Variants in OPRM1 observed in about 807,000 individuals in gnomAD.
OPRM1 encodes mu-type opioid receptor.
OPRM1 carries 27 observed loss-of-function variants against 31.8 expected under a neutral mutation model. The ratio of observed to expected loss-of-function variants is 0.85; its 90% CI spans 0.63 to 1.17. OPRM1 has a LOEUF of 1.17. OPRM1 is among the 50% of genes most tolerant of loss of function. The pLI is 0.00. For synonymous variants in OPRM1, 196 were observed against 189.9 expected, an observed-to-expected ratio of 1.03 and a Z score of -0.26; for missense variants, 536 against 511.1, an observed-to-expected ratio of 1.05 and a Z score of -0.47.
At chr6:154,012,048 T>C (rs9478496) in intron 1 of OPRM1, among the ~76,000 whole-genome samples, 23,680 of 152,114 alleles carry the variant, frequency 0.16, 2,068 homozygotes, top group Admixed American at 0.24. Context: ...ATGATGAGAC[T>C]AAATCAATAA....
chr6:154,243,408 C>T lies in OPRM1; in HGVS notation c.1165-3285C>T, dbSNP rs372597505. 3.3e-5 allele frequency among the ~76,000 whole-genome samples: 5 copies of T among 152,152 alleles called. No individual in the cohort carries two copies. The East Asian group carries it at 7.7e-4, about 23-fold the overall frequency. Reference sequence around the variant, plus strand: ...ATGGCAGATGAGCCTCTGGACTTGACCTTTCTCAATGAATTCTAGGTAGTA... The same window carrying T: ...ATGGCAGATGAGCCTCTGGACTTGATCTTTCTCAATGAATTCTAGGTAGTA... On this transcript the variant is annotated intron_variant, in intron 3 of 3. Transcript: ENST00000337049.
intron 3 of OPRM1, among the ~76,000 whole-genome samples, chr6:154,172,950 G>T (rs1799995314): frequency 6.6e-6 from 1 of 152,182 alleles, no homozygotes; most frequent in Admixed American, 6.5e-5. Context: ...CCCCTCTGGG[G>T]CAAAGCTTCC....
At chr6:154,059,095 C>T (rs185159759) in intron 1 of OPRM1, among the ~76,000 whole-genome samples, 199 of 152,286 alleles carry the variant, frequency 1.3e-3, no homozygotes, top group African/African-American at 4.6e-3. Flanking sequence ...TTATATCTTA[C>T]TTTCCAGAAT....
At chr6:154,227,118 C>G (rs1051715187) in intron 3 of OPRM1, among the ~76,000 whole-genome samples, 1 of 151,952 alleles carries the variant, frequency 6.6e-6, no homozygotes, top group Non-Finnish European at 1.5e-5. Flanking sequence ...GCAGGAGAAT[C>G]GCTTGAACCT....
At chr6:154,085,467 G>T (rs1790315158) in intron 1 of OPRM1, among the ~76,000 whole-genome samples, 2 of 152,152 alleles carry the variant, frequency 1.3e-5, no homozygotes, top group South Asian at 4.1e-4. Flanking sequence ...CAAAGTTAAA[G>T]AAATACCTAC....
downstream of OPRM1, among the ~76,000 whole-genome samples, chr6:154,135,500 GAT>G (rs962650675): frequency 4.0e-5 from 6 of 149,922 alleles, no homozygotes; most frequent in African/African-American, 1.3e-4. Context: ...TATAGATATA[GAT>G]ATAGATATAG....
At chr6:154,144,603 C>T (rs1391856534) in intron 3 of OPRM1, among the ~76,000 whole-genome samples, 5 of 151,812 alleles carry the variant, frequency 3.3e-5, no homozygotes, top group African/African-American at 1.2e-4. Context: ...AAAAAATTAG[C>T]TGGGTGTGGT....
intron 3 of OPRM1, among the ~76,000 whole-genome samples, chr6:154,237,212 C>T (rs1435967595): frequency 6.6e-6 from 1 of 152,172 alleles, no homozygotes. Flanking sequence ...CAGCTCATCC[C>T]ATGGGCCACT....
intron 1 of OPRM1, among the ~76,000 whole-genome samples, chr6:154,056,399 G>A (rs1468570092): frequency 1.3e-5 from 2 of 151,924 alleles, no homozygotes; most frequent in Admixed American, 6.6e-5. Context: ...TGGGATTACA[G>A]GCGTGAGCCA....
intron 3 of OPRM1, among the ~76,000 whole-genome samples, chr6:154,153,543 G>A (rs979459177): frequency 3.3e-5 from 5 of 152,166 alleles, no homozygotes; most frequent in African/African-American, 7.2e-5. Flanking sequence ...AAATTAGCCA[G>A]GAGTGATGAC....
At chr6:154,062,990 A>G (rs1784693456) in intron 1 of OPRM1, among the ~76,000 whole-genome samples, 2 of 152,038 alleles carry the variant, frequency 1.3e-5, no homozygotes, top group South Asian at 4.1e-4. Flanking sequence ...CTGACATATA[A>G]TTCTTTCTAA....
chr6:154,193,396 C>T (rs919078130), intron 3 of OPRM1, among the ~76,000 whole-genome samples: 27 of 152,160 alleles, frequency 1.8e-4, no homozygotes, highest in African/African-American at 6.5e-4. Context: ...TAAAAGACTA[C>T]AAGTTGGGTA....
intron 3 of OPRM1, among the ~76,000 whole-genome samples, chr6:154,115,528 A>G (rs1360328129): frequency 3.3e-5 from 5 of 152,170 alleles, no homozygotes; most frequent in Non-Finnish European, 7.3e-5. Context: ...TGACAGAGTG[A>G]GGCTCTGCCT....
Position 154,138,688 on chromosome 6 carries a change from C to T in OPRM1, c.1164+47216C>T, listed in dbSNP as rs140677752. 7.2e-3 allele frequency among the ~76,000 whole-genome samples: 1,091 copies of T among 152,310 alleles called. 21 individuals are homozygous for T. Among genetic ancestry groups the T allele is most frequent in the African/African-American group, 0.024 (1,007 of 41,552 alleles). ...TAGGCTGAACCAACTTTGGGAGGAACTTAGTTTAGAGTTTATAGTTTAAAA... is the reference window on the plus strand; with the variant it reads ...TAGGCTGAACCAACTTTGGGAGGAATTTAGTTTAGAGTTTATAGTTTAAAA... On this transcript the variant is annotated intron_variant, in intron 3 of 3. Coordinates refer to the OPRM1 transcript ENST00000337049.
At chr6:154,195,729 T>C (rs945518903) in intron 3 of OPRM1, among the ~76,000 whole-genome samples, 10 of 152,070 alleles carry the variant, frequency 6.6e-5, no homozygotes, top group African/African-American at 2.2e-4. Context: ...ATGTGTCTAG[T>C]TCCTCCCACT....
chr6:154,159,796 A>G (rs1386795623), intron 3 of OPRM1: 2 of 1,532,216 alleles, frequency 1.3e-6, no homozygotes, highest in East Asian at 4.5e-5. Context: ...TGCTTGTGAT[A>G]AAATATAAGA....
At chr6:154,053,949 C>T (rs184651438) in intron 1 of OPRM1, among the ~76,000 whole-genome samples, 38 of 152,270 alleles carry the variant, frequency 2.5e-4, no homozygotes, top group Admixed American at 4.6e-4. Context: ...GAGTCTCCTT[C>T]CAATTAACTC....
At chr6:154,227,562 A>G (rs114439036) in intron 3 of OPRM1, among the ~76,000 whole-genome samples, 627 of 152,250 alleles carry the variant, frequency 4.1e-3, no homozygotes, top group African/African-American at 0.015. Flanking sequence ...CTGCAAAAGT[A>G]TAAAAATTAG....
At position 154,214,101 on chromosome 6, in the gene OPRM1, C is replaced by T. The variant is rs1778189326; in HGVS notation, c.1165-32592C>T. The T allele has an allele frequency of 9.6e-6, 7 of 726,722 alleles. No individual in the cohort carries two copies. The South Asian group carries it at 1.1e-4, about 12-fold the overall frequency. The allele number at this position is 726,722 out of a possible 1,614,324, so 45.0% of individuals were successfully genotyped here. Reference sequence around the variant, plus strand: ...ACATATTTTCAGATCATCTTAAATGCCAAAGCATGTTTCCTCAGGATCAGA... The same window carrying T: ...ACATATTTTCAGATCATCTTAAATGTCAAAGCATGTTTCCTCAGGATCAGA... On this transcript the variant is annotated intron_variant, in intron 3 of 3. Transcript: ENST00000337049.
Sources: gnomAD v4.1 joint callset for allele counts (sites outside exome capture counted in the v4.1 genomes callset) on GRCh38, gnomAD v4.1.1 for gene constraint, MANE v1.5 for transcripts, NCBI Gene and HGNC (gene_info 2026-07-23, HGNC 2026-07-21) for gene names.